KCNH8: variants seen among roughly 807,000 people sequenced by gnomAD.
KCNH8 encodes voltage-gated delayed rectifier potassium channel KCNH8.
In KCNH8, 70 loss-of-function variants were observed where a neutral mutation model predicts 103.6. That is an observed-to-expected ratio of 0.68 (90% confidence interval 0.56 to 0.82). The LOEUF (loss-of-function observed/expected upper bound fraction) is 0.82. Ranked by LOEUF, KCNH8 falls within the 40% of genes least tolerant of loss-of-function variation. KCNH8 has a pLI of 0.00. For missense variants in KCNH8, 1,217 were observed against 1,329.9 expected (o/e 0.92, Z 1.32); for synonymous variants, 498 against 489.4 (o/e 1.02, Z -0.23).
Position 19,461,300 on chromosome 3 carries a change from C to T in KCNH8, c.2040+4318C>T, listed in dbSNP as rs369211879. 2.2e-4 allele frequency among the ~76,000 whole-genome samples: 34 copies of T among 152,246 alleles called. No individual in the cohort carries two copies. In the South Asian group the frequency reaches 6.8e-3, roughly 31 times the overall value. ...CTGAGAGTCTAGGGGATACTATGCCCTCTAAGGGCTAGATAAGTTTGGACC... is the reference window on the plus strand; with the variant it reads ...CTGAGAGTCTAGGGGATACTATGCCTTCTAAGGGCTAGATAAGTTTGGACC... On this transcript the variant is annotated intron_variant, in intron 11 of 15. Transcript: ENST00000328405.
intron 1 of KCNH8, among the ~76,000 whole-genome samples, chr3:19,214,112 C>A (rs992075470): frequency 6.6e-6 from 1 of 152,204 alleles, no homozygotes; most frequent in Non-Finnish European, 1.5e-5. Flanking sequence ...GCTGGCCCAG[C>A]AACTCCAGAC....
At chr3:19,323,673 AT>A (rs933443169) in intron 3 of KCNH8, among the ~76,000 whole-genome samples, 1 of 151,918 alleles carries the variant, frequency 6.6e-6, no homozygotes, top group Non-Finnish European at 1.5e-5. Flanking sequence ...TGCTGTTCAG[AT>A]TTTTTTGTCC....
chr3:19,251,878 A>G (rs2064282487), intron 1 of KCNH8, among the ~76,000 whole-genome samples: 1 of 152,216 alleles, frequency 6.6e-6, no homozygotes, highest in South Asian at 2.1e-4. Context: ...TTTGGTATGC[A>G]TACACATGTG....
intron 10 of KCNH8, 77 bp downstream of exon 10, chr3:19,451,481 T>C (rs2125184089): frequency 3.8e-6 from 5 of 1,332,230 alleles, no homozygotes; most frequent in Non-Finnish European, 5.3e-6. Flanking sequence ...GGGAAAAAAC[T>C]GCTATTGAGA....
intron 11 of KCNH8, among the ~76,000 whole-genome samples, chr3:19,458,264 G>C (rs1473180003): frequency 2.0e-5 from 3 of 151,818 alleles, no homozygotes; most frequent in Admixed American, 2.0e-4. Flanking sequence ...AAAATCAGTA[G>C]ATTGAATTTT....
chr3:19,475,661 A>T (rs1468152221), intron 11 of KCNH8, among the ~76,000 whole-genome samples: 1 of 152,202 alleles, frequency 6.6e-6, no homozygotes, highest in Non-Finnish European at 1.5e-5. Flanking sequence ...ACTGGAGAAT[A>T]ATTTCTCCCC....
At chr3:19,490,416 T>C (rs943597549) in intron 11 of KCNH8, among the ~76,000 whole-genome samples, 8 of 152,130 alleles carry the variant, frequency 5.3e-5, no homozygotes, top group African/African-American at 1.2e-4. Flanking sequence ...TCGGGATTGA[T>C]TGAGCAAGCA....
chr3:19,387,558 AGTT>A (rs1183420289), intron 5 of KCNH8, among the ~76,000 whole-genome samples: 6 of 152,136 alleles, frequency 3.9e-5, no homozygotes, highest in African/African-American at 1.4e-4. Context: ...CGACAAAAGT[AGTT>A]GTTCGCTTTG....
intron 11 of KCNH8, among the ~76,000 whole-genome samples, chr3:19,509,684 A>C (rs370085569): frequency 6.6e-6 from 1 of 152,222 alleles, no homozygotes; most frequent in East Asian, 1.9e-4. Context: ...ATGGTATATC[A>C]ACACTGATTG....
chr3:19,375,821 A>G (rs1559498630), intron 5 of KCNH8, among the ~76,000 whole-genome samples: 2 of 152,020 alleles, frequency 1.3e-5, no homozygotes, highest in African/African-American at 4.8e-5. Context: ...TTTTCCTTCT[A>G]ACAGACAGGG....
In KCNH8 at chr3:19,515,302, ATTTCC is replaced by A. The variant is rs1361578654; in HGVS notation, c.2436-16_2436-12del. 1 of 1,413,634 alleles carries A rather than the reference ATTTCC, an allele frequency of 7.1e-7. No homozygotes were observed. The highest frequency in any genetic ancestry group is 2.0e-5 in the Admixed American group (1 of 50,606). 87.6% of individuals were successfully genotyped at this position (1,413,634 alleles called of 1,614,324 possible). On this transcript the variant is annotated splice_polypyrimidine_tract_variant and intron_variant, in intron 13 of 15. Transcript: ENST00000328405. ...ATGAATATGAATCCACAGCCAGCCA[ATTTCC>A]TTTATTTTAAGTAGGATTGTTGATG...
chr3:19,221,275 T>A lies in KCNH8; in HGVS notation c.77-32379T>A, dbSNP rs144411103. On this transcript the variant is annotated intron_variant, in intron 1 of 15. Coordinates refer to ENST00000328405, the MANE Select transcript of KCNH8 (RefSeq NM_144633.3). ...TACCTGCTTCATGACTCACTGAGTG[T>A]TAGGACGCTAAGGGGCAGGGCCTGA... Among the ~76,000 whole-genome samples, 708 of 152,334 alleles carry A rather than the reference T, an allele frequency of 4.6e-3. 6 individuals carry two copies. The highest frequency in any genetic ancestry group is 0.016 in the African/African-American group (673 of 41,570).
intron 1 of KCNH8, among the ~76,000 whole-genome samples, chr3:19,150,878 G>T (rs1490613865): frequency 6.6e-6 from 1 of 152,116 alleles, no homozygotes; most frequent in East Asian, 1.9e-4. Context: ...AATCAGAGAA[G>T]CAAATTTGAA....
chr3:19,517,014 G>A (rs2068886312), intron 14 of KCNH8, among the ~76,000 whole-genome samples: 1 of 151,820 alleles, frequency 6.6e-6, no homozygotes, highest in Non-Finnish European at 1.5e-5. Context: ...ATCTCCCTAT[G>A]TTGCCCAGGC....
chr3:19,369,420 C>T (rs2066056998), intron 5 of KCNH8, among the ~76,000 whole-genome samples: 1 of 151,848 alleles, frequency 6.6e-6, no homozygotes, highest in African/African-American at 2.4e-5. Flanking sequence ...TTTCCTGTAT[C>T]CTAAATGATA....
At chr3:19,299,607 A>G (rs543285098) in intron 3 of KCNH8, among the ~76,000 whole-genome samples, 112 of 152,302 alleles carry the variant, frequency 7.4e-4, no homozygotes, top group African/African-American at 2.6e-3. Flanking sequence ...CAGTTTACCT[A>G]TGTAACACAC....
At chr3:19,424,360 A>G (rs2066994520) in intron 7 of KCNH8, among the ~76,000 whole-genome samples, 1 of 152,194 alleles carries the variant, frequency 6.6e-6, no homozygotes, top group African/African-American at 2.4e-5. Flanking sequence ...CAAAGTGGGG[A>G]AAGAACAACC....
intron 7 of KCNH8, among the ~76,000 whole-genome samples, chr3:19,430,754 T>C (rs781355629): frequency 5.3e-5 from 8 of 152,162 alleles, no homozygotes; most frequent in Non-Finnish European, 1.2e-4. Context: ...CAACTGTGAA[T>C]GGGAGTTTGC....
chr3:19,177,458 A>G (rs1370081277), intron 1 of KCNH8, among the ~76,000 whole-genome samples: 2 of 152,078 alleles, frequency 1.3e-5, no homozygotes, highest in African/African-American at 4.8e-5. Flanking sequence ...ATTATGTTCT[A>G]TCTTTTAATT....
Sources: allele counts gnomAD v4.1 joint callset (sites outside exome capture counted in the v4.1 genomes callset), GRCh38; gene constraint gnomAD v4.1.1; transcripts MANE v1.5; gene names NCBI Gene and HGNC (gene_info 2026-07-23, HGNC 2026-07-21).